The following C1orf167 variants were observed in gnomAD, a reference collection of about 807,000 sequenced individuals.
C1orf167 encodes chromosome 1 open reading frame 167.
A neutral mutation model predicts 176.5 loss-of-function variants in C1orf167; 153 were observed. That is an observed-to-expected ratio of 0.87 (90% CI 0.76 to 0.99). The LOEUF (loss-of-function observed/expected upper bound fraction) is 0.99, where lower values mean the gene tolerates loss of function less well. C1orf167 is among the 50% of genes least tolerant of loss of function. The probability of loss-of-function intolerance (pLI) is 0.00; values close to 1 mark genes in which losing one functional copy is unlikely to be tolerated. For synonymous variants in C1orf167, 594 were observed against 752.7 expected (o/e 0.79, Z 3.45); for missense variants, 1,490 against 1,817.7 (o/e 0.82, Z 3.28).
intron 2 of C1orf167, among the ~76,000 whole-genome samples, chr1:11,765,609 C>A (rs1642753524): frequency 6.6e-6 from 1 of 152,154 alleles, no homozygotes; most frequent in Non-Finnish European, 1.5e-5. Context: ...CTCCTGGGAC[C>A]CCCTCAACAG....
At position 11,769,127 on chromosome 1, in the gene C1orf167, GGTT is replaced by G. The variant is rs1459584961; in HGVS notation, c.1697+2_1697+4del. On this transcript the variant is annotated splice_donor_variant and splice_donor_region_variant and intron_variant, in intron 6 of 20. Transcript: ENST00000688073. LOFTEE classifies it high-confidence loss of function. ...CAGAGAAGCAGGCTGGAACACACCA[GGTT>G]GGTCAGTGTTGCCTGGGAAGCCGGT... The G allele has an allele frequency of 2.0e-6, 2 of 985,794 alleles. No homozygotes were observed. The highest frequency in any genetic ancestry group is 2.4e-6 in the Non-Finnish European group (2 of 829,990). The allele number at this position is 985,794 out of a possible 1,614,324, so 61.1% of individuals were successfully genotyped here. A position where few individuals can be genotyped will look rare whatever the true frequency, so the allele number is the denominator to read the frequency against.
rs1272885989 is a variant in C1orf167 at position 11,766,940 on chromosome 1, G to T, written c.1154G>T (p.Cys385Phe). ...GTGGGAAGCAGGGGGACCGACCCCTGTTCCTCAGCCTTCTCCAACACAGCC... is the reference window on the plus strand; with the variant it reads ...GTGGGAAGCAGGGGGACCGACCCCTTTTCCTCAGCCTTCTCCAACACAGCC... ...RGVGSRGTDP[C>F]SSAFSNTAWG... Residue 385 changes from cysteine to phenylalanine, a missense_variant, in exon 3 of 21, where the codon TGT (cysteine) becomes TTT (phenylalanine). Physicochemically the swap from Cys to Phe is radical, Grantham distance 205. Coordinates refer to ENST00000688073, the MANE Select transcript of C1orf167 (RefSeq NM_001010881.2). This position sits in a 1 kb window ranked among gnomAD's most constrained non-coding sequence, Gnocchi z 4.5. The T allele has an allele frequency of 1.7e-6, 2 of 1,212,024 alleles. No individual in the cohort carries two copies. The highest frequency in any genetic ancestry group is 1.1e-6 in the Non-Finnish European group (1 of 950,606). The allele number at this position is 1,212,024 out of a possible 1,614,324, so 75.1% of individuals were successfully genotyped here.
intron 13 of C1orf167, among the ~76,000 whole-genome samples, chr1:11,781,318 C>G (rs921275468): frequency 1.3e-5 from 2 of 152,130 alleles, no homozygotes; most frequent in African/African-American, 2.4e-5. Context: ...TCTTTATAAC[C>G]TGATATCAGA....
intron 11 of C1orf167, 47 bp downstream of exon 11, chr1:11,778,863 T>C (rs888026016): frequency 7.0e-6 from 9 of 1,292,320 alleles, no homozygotes; most frequent in Non-Finnish European, 9.2e-6. Context: ...TAGGGGTGGA[T>C]GGGTGGAGAT....
At chr1:11,788,793 C>G (rs1643986051) in intron 20 of C1orf167, 47 bp downstream of exon 20, 5 of 1,290,432 alleles carry the variant, frequency 3.9e-6, no homozygotes, top group Admixed American at 2.3e-5. Context: ...TTCCACTCAG[C>G]CAGCCTTCCA....
chr1:11,782,276 A>C lies in C1orf167; in HGVS notation c.2948A>C (p.Gln983Pro). ...LQKVVFRSWQQAAAHQRCTVT... is the reference protein window; with the variant it reads ...LQKVVFRSWQPAAAHQRCTVT... The stretch of plus-strand genomic sequence containing the variant: ...AAGGTGGTGTTCCGGAGCTGGCAGC[A>C]GGCAGCAGCTCATCAGAGATGCACA... The change falls in exon 14 of 21, where the codon CAG (glutamine) becomes CCG (proline). Residue 983 changes from glutamine (Q) to proline (P), a missense_variant. Physicochemically the swap from Gln to Pro is moderately conservative, Grantham distance 76. Coordinates refer to ENST00000688073, the MANE Select transcript of C1orf167 (RefSeq NM_001010881.2). The C allele has an allele frequency of 1.5e-6, 2 of 1,299,080 alleles. No individual in the cohort carries two copies. Among genetic ancestry groups the C allele is most frequent in the Non-Finnish European group, 2.0e-6 (2 of 987,418 alleles). 80.5% of individuals were successfully genotyped at this position (1,299,080 alleles called of 1,614,324 possible).
In C1orf167 at chr1:11,771,545, G is replaced by C. The variant is rs1426819589; in HGVS notation, c.1719G>C (p.Glu573Asp). 2 of 1,289,730 alleles carry C rather than the reference G, an allele frequency of 1.6e-6. No homozygotes were observed. Among genetic ancestry groups the C allele is most frequent in the Non-Finnish European group, 2.0e-6 (2 of 988,834 alleles). 79.9% of individuals were successfully genotyped at this position (1,289,730 alleles called of 1,614,324 possible). Residue 573 changes from glutamate (E) to aspartate (D), a missense_variant, in exon 7 of 21, where the codon GAG becomes GAC. Glu to Asp is a conservative substitution (Grantham distance 45). Coordinates refer to ENST00000688073, the MANE Select transcript of C1orf167 (RefSeq NM_001010881.2). ...EHTSPGSLRE[E>D]EIAQRLLSHP... is the part of the protein sequence containing the mutation. Reference sequence around the variant, plus strand: ...TTAGTCCAGGAAGTCTGAGGGAGGAGGAGATTGCTCAGCGGCTTCTGTCAC... The same window carrying C: ...TTAGTCCAGGAAGTCTGAGGGAGGACGAGATTGCTCAGCGGCTTCTGTCAC...
At chr1:11,762,415 G>A (rs1037171071) in intron 1 of C1orf167, 110 bp downstream of exon 1, 13 of 349,630 alleles carry the variant, frequency 3.7e-5, no homozygotes, top group African/African-American at 2.4e-4. Flanking sequence ...GGAGTGGGAG[G>A]GGGGAGTCTG....
chr1:11,774,195 A>G (rs772323445), intron 8 of C1orf167, among the ~76,000 whole-genome samples: 1 of 151,930 alleles, frequency 6.6e-6, no homozygotes, highest in Non-Finnish European at 1.5e-5. Context: ...GTGAGCTACC[A>G]TGCCTGGCGA....
chr1:11,763,794 C>G (rs760666928), intron 1 of C1orf167, among the ~76,000 whole-genome samples: 1 of 152,134 alleles, frequency 6.6e-6, no homozygotes, highest in Non-Finnish European at 1.5e-5. Context: ...CAGGTGAGGG[C>G]CACTCCGCCC....
Position 11,775,459 on chromosome 1 carries a change from C to T in C1orf167, c.2013C>T (p.Phe671=), listed in dbSNP as rs750500278. 13 of 1,301,822 alleles carry T rather than the reference C, an allele frequency of 1.0e-5. No individual in the cohort carries two copies. The highest frequency in any genetic ancestry group is 2.5e-5 in the South Asian group (2 of 80,768). 80.6% of individuals were successfully genotyped at this position (1,301,822 alleles called of 1,614,324 possible). ...LCRCFGAWQQ[F]VQRGSRYRDH... is the part of the protein sequence containing the mutation. ...GGTGCTTCGGGGCGTGGCAGCAGTT[C>T]GTGCAAAGAGGGTCCCGGTACCGAG... is the stretch of plus-strand genomic sequence containing the variant. Residue 671 remains phenylalanine (F), a synonymous_variant, in exon 9 of 21, where the codon TTC becomes TTT. Coordinates refer to ENST00000688073, the MANE Select transcript of C1orf167 (RefSeq NM_001010881.2).
chr1:11,777,645 CA>C (rs56270825), intron 10 of C1orf167: 116,117 of 147,276 alleles, frequency 0.79, 45,883 homozygotes, highest in East Asian at 0.88. Flanking sequence ...GAATCCATCT[CA>C]AAAAAAAAAA....
chr1:11,782,405 G>A, intron 14 of C1orf167, 72 bp downstream of exon 14: 2 of 1,149,324 alleles, frequency 1.7e-6, no homozygotes, highest in Non-Finnish European at 2.2e-6. Context: ...CACCCAGGGG[G>A]TGGGAAGCTC....
At chr1:11,788,778 C>T (rs1170059304) in intron 20 of C1orf167, 32 bp downstream of exon 20, 5 of 1,296,494 alleles carry the variant, frequency 3.9e-6, no homozygotes, top group South Asian at 3.7e-5. Flanking sequence ...GCCCTCTTCC[C>T]TGCATTCCAC....
At chr1:11,786,217 C>T (rs1309376565) in intron 16 of C1orf167, 1 of 152,190 alleles carries the variant, frequency 6.6e-6, no homozygotes, top group East Asian at 1.9e-4. Flanking sequence ...GGTTGATAGC[C>T]TAGCAAGGGG....
Position 11,768,207 on chromosome 1 carries a change from C to G in C1orf167, c.1474C>G (p.Arg492Gly). ...LRKCLQALWL[R>G]EAQLEAAWGQ... ...AAAGTGCCTTCAGGCCTTGTGGCTC[C>G]GGGAGGCTCAGCTGGAGGCAGCATG... The change falls in exon 5 of 21, where the codon CGG becomes GGG. Residue 492 changes from arginine (R) to glycine (G), a missense_variant. Physicochemically the swap from Arg to Gly is moderately radical, Grantham distance 125. Transcript: ENST00000688073. This position sits in a 1 kb window ranked among gnomAD's most constrained non-coding sequence, Gnocchi z 4.5. 2.3e-6 allele frequency: 3 copies of G among 1,289,738 alleles called. No individual in the cohort carries two copies. The highest frequency in any genetic ancestry group is 2.0e-6 in the Non-Finnish European group (2 of 988,766). The allele number at this position is 1,289,738 out of a possible 1,614,324, so 79.9% of individuals were successfully genotyped here. A position where few individuals can be genotyped will look rare whatever the true frequency, so the allele number is the denominator to read the frequency against.
intron 14 of C1orf167, 75 bp from the exon 15 acceptor site, chr1:11,784,099 C>T: frequency 1.7e-6 from 2 of 1,175,366 alleles, no homozygotes; most frequent in Non-Finnish European, 2.2e-6. Context: ...AGGTGATCCA[C>T]TCACCTTGGC....
chr1:11,787,768 A>C (rs1158321807), intron 17 of C1orf167, 105 bp from the exon 18 acceptor site: 3 of 1,168,818 alleles, frequency 2.6e-6, no homozygotes, highest in African/African-American at 1.6e-5. Flanking sequence ...TAAGCTCAGC[A>C]CCTTCCTCCA....
At chr1:11,774,397 G>A (rs11121828) in intron 8 of C1orf167, among the ~76,000 whole-genome samples, 85,828 of 152,040 alleles carry the variant, frequency 0.56, 25,328 homozygotes, top group East Asian at 0.77. Flanking sequence ...TTGATTGCAC[G>A]TTATTTGTTG....
Sources: gnomAD v4.1 joint callset for allele counts (sites outside exome capture counted in the v4.1 genomes callset) on GRCh38, gnomAD v4.1.1 for gene constraint, Gnocchi (gnomAD v3.1) non-coding constraint, MANE v1.5 for transcripts, NCBI Gene and HGNC (gene_info 2026-07-23, HGNC 2026-07-21) for gene names.